SLC24A2: variants seen among roughly 807,000 people sequenced by gnomAD.
SLC24A2 encodes solute carrier family 24 member 2, also known as sodium/potassium/calcium exchanger 2.
SLC24A2 carries 36 observed loss-of-function variants against 62.0 expected under a neutral mutation model. The observed-to-expected ratio is 0.58, with a 90% CI of 0.44 to 0.77. The LOEUF (loss-of-function observed/expected upper bound fraction) is 0.77, where lower values mean the gene tolerates loss of function less well. SLC24A2 is among the 30% of genes least tolerant of loss of function. The pLI is 0.00. For synonymous variants in SLC24A2, 358 were observed against 294.0 expected (o/e 1.22, Z -2.23); for missense variants, 846 against 817.9 (o/e 1.03, Z -0.42).
chr9:19,890,713 T>C, the SLC24A2 span, among the ~76,000 whole-genome samples: 142 of 152,300 alleles, frequency 9.3e-4, no homozygotes, highest in African/African-American at 3.3e-3. Context: ...AGTCTCACTA[T>C]GTTGCCAGGT....
At chr9:20,298,071 C>G in the SLC24A2 span, among the ~76,000 whole-genome samples, 28 of 152,196 alleles carry the variant, frequency 1.8e-4, no homozygotes, top group Non-Finnish European at 3.7e-4. Context: ...CAGGGAGCAA[C>G]AGCAGGCAGG....
chr9:19,824,660 C>G, the SLC24A2 span, among the ~76,000 whole-genome samples: 7 of 152,086 alleles, frequency 4.6e-5, no homozygotes, highest in Non-Finnish European at 1.0e-4. Context: ...CCCAGCAATC[C>G]TATTACTGGG....
At chr9:19,869,324 G>A in the SLC24A2 span, among the ~76,000 whole-genome samples, 3 of 152,050 alleles carry the variant, frequency 2.0e-5, no homozygotes, top group African/African-American at 4.8e-5. Flanking sequence ...GTCTTGTTTC[G>A]TATCTTCTGG....
the SLC24A2 span, among the ~76,000 whole-genome samples, chr9:20,144,014 G>A: frequency 6.6e-6 from 1 of 152,140 alleles, no homozygotes; most frequent in Non-Finnish European, 1.5e-5. Context: ...ACAAGACAGG[G>A]GTAAGGTTTC....
intron 2 of SLC24A2, among the ~76,000 whole-genome samples, chr9:19,690,148 T>C (rs1031658806): frequency 1.3e-5 from 2 of 151,930 alleles, no homozygotes; most frequent in African/African-American, 4.8e-5. Context: ...TAAATCTCTC[T>C]CTCTCTGTAG....
the SLC24A2 span, among the ~76,000 whole-genome samples, chr9:19,945,408 T>C: frequency 2.0e-5 from 3 of 152,094 alleles, no homozygotes; most frequent in Non-Finnish European, 2.9e-5. Context: ...GTAAAAACAA[T>C]TACCCAGTTC....
chr9:19,792,317 A>AT (rs1823327994), upstream of SLC24A2, among the ~76,000 whole-genome samples: 2 of 152,084 alleles, frequency 1.3e-5, no homozygotes, highest in Admixed American at 1.3e-4. Flanking sequence ...ATGATTAGCA[A>AT]TTTTTTATTG....
At chr9:19,608,442 G>C (rs1283373745) in intron 4 of SLC24A2, among the ~76,000 whole-genome samples, 1 of 152,060 alleles carries the variant, frequency 6.6e-6, no homozygotes, top group Non-Finnish European at 1.5e-5. Context: ...TTAAGTGTCT[G>C]TGTTAAAGAC....
At chr9:19,813,890 TA>T in the SLC24A2 span, among the ~76,000 whole-genome samples, 2 of 152,076 alleles carry the variant, frequency 1.3e-5, no homozygotes, top group African/African-American at 4.8e-5. Context: ...CATCAGACAG[TA>T]AATCTCAGGC....
intron 2 of SLC24A2, among the ~76,000 whole-genome samples, chr9:19,683,947 G>A (rs996984204): frequency 6.6e-6 from 1 of 152,082 alleles, no homozygotes; most frequent in Non-Finnish European, 1.5e-5. Context: ...CTCCTGGGGA[G>A]TAGCCCTTGG....
At chr9:19,655,076 T>C (rs1818908019) in intron 2 of SLC24A2, among the ~76,000 whole-genome samples, 1 of 152,248 alleles carries the variant, frequency 6.6e-6, no homozygotes, top group Non-Finnish European at 1.5e-5. Context: ...AATTTTTAGG[T>C]AATGCCCAAA....
At chr9:19,637,471 G>A (rs1467930255) in intron 2 of SLC24A2, among the ~76,000 whole-genome samples, 1 of 152,174 alleles carries the variant, frequency 6.6e-6, no homozygotes, top group African/African-American at 2.4e-5. Flanking sequence ...GTTTACATCT[G>A]TGATTGCATT....
At chr9:20,177,847 G>A in the SLC24A2 span, among the ~76,000 whole-genome samples, 1 of 152,180 alleles carries the variant, frequency 6.6e-6, no homozygotes, top group African/African-American at 2.4e-5. Context: ...CAAGAAATAA[G>A]CATCTCTCTT....
the SLC24A2 span, among the ~76,000 whole-genome samples, chr9:20,006,078 AACT>A: frequency 4.0e-5 from 6 of 151,856 alleles, no homozygotes; most frequent in Non-Finnish European, 2.9e-5. Flanking sequence ...CTTAATAAGA[AACT>A]ACATGATATA....
intron 6 of SLC24A2, 112 bp from the exon 7 acceptor site, chr9:19,573,581 G>A (rs1185407199): frequency 1.2e-5 from 10 of 853,358 alleles, no homozygotes; most frequent in Non-Finnish European, 2.0e-5. Context: ...TGGGGGTAAA[G>A]AGCAATATTG....
the SLC24A2 span, among the ~76,000 whole-genome samples, chr9:20,279,602 C>T: frequency 1.3e-5 from 2 of 152,192 alleles, no homozygotes; most frequent in African/African-American, 4.8e-5. Flanking sequence ...GCAAGTCCAT[C>T]AACAATGTCT....
intron 1 of SLC24A2, among the ~76,000 whole-genome samples, chr9:19,787,823 C>G (rs1823220806): frequency 6.6e-6 from 1 of 152,140 alleles, no homozygotes; most frequent in African/African-American, 2.4e-5. Flanking sequence ...TAGGCTATTT[C>G]GAGAGACCAC....
rs560962595 is a variant in SLC24A2, at chr9:19,693,778, A to G, written c.931-71479T>C. On this transcript the variant is annotated intron_variant, in intron 2 of 10. Coordinates refer to ENST00000341998, the MANE Select transcript of SLC24A2 (RefSeq NM_020344.4). The stretch of plus-strand genomic sequence containing the variant: ...TTTTTATAAAGGTGATTTCCGAGGC[A>G]CTCTTTATTTATTTATTTATTTTTT... Among the ~76,000 whole-genome samples, 23 of 151,670 alleles carry G rather than the reference A, an allele frequency of 1.5e-4. No individual in the cohort carries two copies. The East Asian group carries it at 2.3e-3, about 15-fold the overall frequency.
At chr9:20,263,985 C>A in the SLC24A2 span, among the ~76,000 whole-genome samples, 8 of 151,974 alleles carry the variant, frequency 5.3e-5, no homozygotes, top group Middle Eastern at 3.4e-3. Flanking sequence ...TGCTCTGCAC[C>A]TCTGAGCTGG....
Sources: allele counts gnomAD v4.1 joint callset (sites outside exome capture counted in the v4.1 genomes callset), GRCh38; gene constraint gnomAD v4.1.1; transcripts MANE v1.5; gene names NCBI Gene and HGNC (gene_info 2026-07-23, HGNC 2026-07-21).